The following AGAP1 variants were observed in gnomAD, a reference collection of about 807,000 sequenced individuals.
AGAP1 encodes the protein arf-GAP with GTPase, ANK repeat and PH domain-containing protein 1.
In AGAP1, 29 loss-of-function variants were observed where a neutral mutation model predicts 105.3. The ratio of observed to expected loss-of-function variants is 0.28; its 90% CI spans 0.21 to 0.38. The LOEUF (loss-of-function observed/expected upper bound fraction) is 0.38, where lower values mean the gene tolerates loss of function less well. AGAP1 is among the 10% of genes least tolerant of loss of function. The probability of loss-of-function intolerance (pLI) is 1.00; values close to 1 mark genes in which losing one functional copy is unlikely to be tolerated. For synonymous variants in AGAP1, 509 were observed against 485.9 expected (o/e 1.05, Z -0.63); for missense variants, 998 against 1,165.1 (o/e 0.86, Z 2.09).
chr2:235,717,226 G>A (rs1299573153), intron 2 of AGAP1, among the ~76,000 whole-genome samples: 1 of 152,218 alleles, frequency 6.6e-6, no homozygotes, highest in Non-Finnish European at 1.5e-5. Flanking sequence ...TCTGGAGGGT[G>A]CACAGTAGAT....
chr2:235,717,268 G>A (rs2149545903), intron 2 of AGAP1, among the ~76,000 whole-genome samples: 1 of 152,334 alleles, frequency 6.6e-6, no homozygotes, highest in Non-Finnish European at 1.5e-5. Context: ...ACACAGCCCT[G>A]ATGTAAACAA....
intron 16 of AGAP1, among the ~76,000 whole-genome samples, chr2:236,069,361 A>G (rs1174534171): frequency 6.6e-6 from 1 of 152,182 alleles, no homozygotes; most frequent in Non-Finnish European, 1.5e-5. Flanking sequence ...TAATGTATAA[A>G]TTTTACATGG....
chr2:235,604,803 C>T (rs1424854797), intron 1 of AGAP1, among the ~76,000 whole-genome samples: 3 of 151,760 alleles, frequency 2.0e-5, no homozygotes, highest in African/African-American at 4.8e-5. Flanking sequence ...AGGATGGTCT[C>T]GATCTCCTGA....
chr2:235,588,525 C>T (rs1945210119), intron 1 of AGAP1, among the ~76,000 whole-genome samples: 1 of 152,128 alleles, frequency 6.6e-6, no homozygotes, highest in South Asian at 2.1e-4. Context: ...CACTTAACCC[C>T]TCCAAATAGT....
chr2:235,969,691 C>T (rs962181571), intron 13 of AGAP1, among the ~76,000 whole-genome samples: 4 of 152,174 alleles, frequency 2.6e-5, no homozygotes, highest in African/African-American at 7.2e-5. Flanking sequence ...ACCCACGGTG[C>T]GTGTGTTAGC....
intron 9 of AGAP1, among the ~76,000 whole-genome samples, chr2:235,861,019 T>C (rs1426425853): frequency 6.6e-6 from 1 of 152,134 alleles, no homozygotes; most frequent in East Asian, 1.9e-4. Flanking sequence ...AAGGAGACAA[T>C]TGTTACTTGA....
chr2:235,903,693 A>G (rs1401169959), intron 10 of AGAP1, among the ~76,000 whole-genome samples: 1 of 152,182 alleles, frequency 6.6e-6, no homozygotes, highest in South Asian at 2.1e-4. Flanking sequence ...TGGGATTGCC[A>G]AGACAAGATG....
intron 1 of AGAP1, among the ~76,000 whole-genome samples, chr2:235,508,458 C>T (rs1463205008): frequency 8.5e-5 from 13 of 152,216 alleles, no homozygotes; most frequent in Admixed American, 8.5e-4. Flanking sequence ...AACTCACATT[C>T]ACGCTCGGTT....
At chr2:235,813,973 G>A (rs555747113) in intron 9 of AGAP1, among the ~76,000 whole-genome samples, 9 of 152,300 alleles carry the variant, frequency 5.9e-5, no homozygotes, top group South Asian at 2.1e-4. Flanking sequence ...TGAATTCCAC[G>A]TCACCCACAT....
Position 236,051,014 on chromosome 2 carries a change from A to G in AGAP1, c.2114+1733A>G, listed in dbSNP as rs1455910325. 2.0e-5 allele frequency among the ~76,000 whole-genome samples: 3 copies of G among 152,146 alleles called. No individual in the cohort carries two copies. The highest frequency in any genetic ancestry group is 2.0e-4 in the Admixed American group (3 of 15,270). On this transcript the variant is annotated intron_variant, in intron 16 of 17. Coordinates refer to ENST00000304032, the MANE Select transcript of AGAP1 (RefSeq NM_001037131.3). This position sits in a 1 kb window ranked among gnomAD's most constrained non-coding sequence, Gnocchi z 5.9. ...AGTGTTACATACATCACATCATTATATTTTAGAGACCTATTGCAGAGACTT... is the reference window on the plus strand; with the variant it reads ...AGTGTTACATACATCACATCATTATGTTTTAGAGACCTATTGCAGAGACTT...
At chr2:235,945,531 G>A (rs1437369094) in intron 12 of AGAP1, among the ~76,000 whole-genome samples, 1 of 152,024 alleles carries the variant, frequency 6.6e-6, no homozygotes, top group African/African-American at 2.4e-5. Context: ...TAACATATGG[G>A]TTAACTACCA....
chr2:235,935,932 G>A (rs2052964937), intron 12 of AGAP1, among the ~76,000 whole-genome samples: 1 of 152,182 alleles, frequency 6.6e-6, no homozygotes, highest in Admixed American at 6.5e-5. Context: ...GGGCCAGAGT[G>A]CTCACCTGCC....
In AGAP1 at chr2:235,556,457, TG is replaced by T. The variant is rs1328835451; in HGVS notation, c.163+61613del. 1.3e-5 allele frequency among the ~76,000 whole-genome samples: 2 copies of T among 152,168 alleles called. No homozygotes were observed. Among genetic ancestry groups the T allele is most frequent in the African/African-American group, 4.8e-5 (2 of 41,450 alleles). ...TCTTCAGGATGGGACAAGGCAGTCTTGGGGGACTTTGGGGTGACACAAACCA... is the reference window on the plus strand; with the variant it reads ...TCTTCAGGATGGGACAAGGCAGTCTTGGGGACTTTGGGGTGACACAAACCA... On this transcript the variant is annotated intron_variant, in intron 1 of 17. Coordinates refer to ENST00000304032, the MANE Select transcript of AGAP1 (RefSeq NM_001037131.3). This position sits in a 1 kb window ranked among gnomAD's most constrained non-coding sequence, Gnocchi z 5.3.
intron 9 of AGAP1, among the ~76,000 whole-genome samples, chr2:235,809,270 A>G (rs1427492145): frequency 6.6e-6 from 1 of 152,152 alleles, no homozygotes; most frequent in Non-Finnish European, 1.5e-5. Context: ...GGAACTGACC[A>G]TCAAGCGTAA....
intron 9 of AGAP1, among the ~76,000 whole-genome samples, chr2:235,851,170 A>G (rs2048429572): frequency 6.6e-6 from 1 of 152,252 alleles, no homozygotes; most frequent in Non-Finnish European, 1.5e-5. Context: ...CTCTGAGCTC[A>G]CAGCCTGGCC....
At position 235,692,241 on chromosome 2, in the gene AGAP1, G is replaced by T. The variant is rs955128992; in HGVS notation, c.164-16938G>T. Among the ~76,000 whole-genome samples the T allele has an allele frequency of 6.6e-6, 1 of 152,082 alleles. No individual in the cohort carries two copies. Among genetic ancestry groups the T allele is most frequent in the Non-Finnish European group, 1.5e-5 (1 of 68,020 alleles). ...TGGTGACAGCCATGTAGATATGCCC[G>T]CTGCCTTGCACCTGTTCCTCTGGCC... On this transcript the variant is annotated intron_variant, in intron 1 of 17. Coordinates refer to ENST00000304032, the MANE Select transcript of AGAP1 (RefSeq NM_001037131.3). The surrounding 1 kb of genome is among the most constrained non-coding windows in gnomAD (Gnocchi z 5.8).
chr2:235,853,036 C>G (rs2048542750), intron 9 of AGAP1: 2 of 1,243,494 alleles, frequency 1.6e-6, no homozygotes, highest in East Asian at 6.3e-5. Flanking sequence ...CAAAAGACCC[C>G]TTAATTTCTA....
intron 9 of AGAP1, among the ~76,000 whole-genome samples, chr2:235,819,392 G>A (rs1958651973): frequency 6.6e-6 from 1 of 152,106 alleles, no homozygotes; most frequent in African/African-American, 2.4e-5. Context: ...TGGGATTACA[G>A]GCGTGAGCCA....
rs910274699 is a variant in AGAP1 at position 236,050,483 on chromosome 2, A to G, written c.2114+1202A>G. Among the ~76,000 whole-genome samples, 3 of 152,136 alleles carry G rather than the reference A, an allele frequency of 2.0e-5. No homozygotes were observed. The highest frequency in any genetic ancestry group is 7.2e-5 in the African/African-American group (3 of 41,406). On this transcript the variant is annotated intron_variant, in intron 16 of 17. Transcript: ENST00000304032. The surrounding 1 kb of genome is among the most constrained non-coding windows in gnomAD (Gnocchi z 4.0). ...GTAGACAGGGGTAAGTTTCTTACAA[A>G]CCGAAGAAATTATGCACTTTAAAAA...
Sources: allele counts gnomAD v4.1 joint callset (sites outside exome capture counted in the v4.1 genomes callset), GRCh38; gene constraint gnomAD v4.1.1; non-coding constraint Gnocchi (gnomAD v3.1); transcripts MANE v1.5; gene names NCBI Gene and HGNC (gene_info 2026-07-23, HGNC 2026-07-21).